Variants in GDA observed in about 807,000 individuals in gnomAD.
GDA encodes the protein guanine deaminase.
GDA carries 18 observed loss-of-function variants against 59.6 expected under a neutral mutation model. The observed-to-expected ratio is 0.30, with a 90% CI of 0.21 to 0.45. The LOEUF is 0.45. Among genes scored for constraint, GDA ranks in the 20% least tolerant of loss-of-function variants. The probability of loss-of-function intolerance (pLI) is 1.00; values close to 1 mark genes in which losing one functional copy is unlikely to be tolerated. For synonymous variants in GDA, 201 were observed against 201.1 expected (o/e 1.00, Z 0.00); for missense variants, 427 against 552.3 (o/e 0.77, Z 2.27).
chr9:72,226,824 C>CG (rs1837648240), intron 8 of GDA, among the ~76,000 whole-genome samples: 2 of 152,044 alleles, frequency 1.3e-5, no homozygotes, highest in Admixed American at 1.3e-4. Context: ...AATAATAATT[C>CG]TGTAGTCACT....
chr9:72,131,594 T>A (rs1203821800), intron 1 of GDA, among the ~76,000 whole-genome samples: 1 of 152,036 alleles, frequency 6.6e-6, no homozygotes, highest in East Asian at 1.9e-4. Flanking sequence ...CCTCTGAGCC[T>A]GCACAAATGG....
upstream of GDA, among the ~76,000 whole-genome samples, chr9:72,144,979 T>C (rs951166758): frequency 2.6e-5 from 4 of 151,556 alleles, no homozygotes; most frequent in African/African-American, 9.7e-5. Flanking sequence ...TTTAGCTACA[T>C]GAAAAGAATA....
chr9:72,123,404 T>C (rs1031790967), intron 1 of GDA, among the ~76,000 whole-genome samples: 1 of 151,782 alleles, frequency 6.6e-6, no homozygotes. Flanking sequence ...AGGAGGGTCT[T>C]GATCTCCTGA....
At chr9:72,192,106 C>T (rs1390950941) in intron 1 of GDA, among the ~76,000 whole-genome samples, 2 of 151,446 alleles carry the variant, frequency 1.3e-5, no homozygotes, top group Non-Finnish European at 2.9e-5. Context: ...CCTACCTCCT[C>T]TTTAGAAGCA....
In GDA at chr9:72,177,385, C is replaced by T. The variant is rs546029034; in HGVS notation, c.124-18115C>T. Among the ~76,000 whole-genome samples the T allele has an allele frequency of 4.3e-4, 66 of 152,006 alleles. 1 individual carries two copies. The East Asian group carries it at 0.012, about 28-fold the overall frequency. ...TGCTGGGATTACAGGCGTGAGCCAC[C>T]GTGCCTGGACAAAACATCTGTTTTT... On this transcript the variant is annotated intron_variant, in intron 1 of 13. Coordinates refer to ENST00000358399, the MANE Select transcript of GDA (RefSeq NM_004293.5).
chr9:72,235,654 A>G (rs1001631210), intron 10 of GDA, among the ~76,000 whole-genome samples: 1 of 151,476 alleles, frequency 6.6e-6, no homozygotes, highest in Non-Finnish European at 1.5e-5. Context: ...CCGAGATTGC[A>G]CCACTGCACT....
intron 1 of GDA, among the ~76,000 whole-genome samples, chr9:72,137,059 C>T (rs1826252332): frequency 6.6e-6 from 1 of 152,036 alleles, no homozygotes; most frequent in African/African-American, 2.4e-5. Flanking sequence ...ATGATCATCA[C>T]TCAAAGAACT....
intron 1 of GDA, among the ~76,000 whole-genome samples, chr9:72,186,526 A>G (rs1321688862): frequency 6.6e-6 from 1 of 151,998 alleles, no homozygotes; most frequent in African/African-American, 2.4e-5. Context: ...TTTCACCATA[A>G]CCCTCACTAT....
intron 1 of GDA, among the ~76,000 whole-genome samples, chr9:72,118,053 A>G (rs1228680192): frequency 6.6e-6 from 1 of 151,932 alleles, no homozygotes; most frequent in Non-Finnish European, 1.5e-5. Flanking sequence ...CGGGCGGATC[A>G]TGAGGTCAGG....
At chr9:72,214,052 G>A in intron 5 of GDA, 61 bp downstream of exon 5, 1 of 942,386 alleles carries the variant, frequency 1.1e-6, no homozygotes. Context: ...CACTGATGGA[G>A]TTAGAGATGG....
At chr9:72,119,475 G>T (rs924521328) in intron 1 of GDA, among the ~76,000 whole-genome samples, 3 of 152,130 alleles carry the variant, frequency 2.0e-5, no homozygotes, top group African/African-American at 7.2e-5. Flanking sequence ...CTTAAGCCTG[G>T]ATGACAGAGT....
chr9:72,214,167 C>T (rs1018819737), intron 5 of GDA, among the ~76,000 whole-genome samples, 176 bp downstream of exon 5: 1 of 152,210 alleles, frequency 6.6e-6, no homozygotes, highest in Non-Finnish European at 1.5e-5. Flanking sequence ...TGAATTTGAT[C>T]AAACACTCGA....
intron 1 of GDA, among the ~76,000 whole-genome samples, chr9:72,117,998 C>T (rs573774877): frequency 9.9e-5 from 15 of 152,090 alleles, no homozygotes; most frequent in South Asian, 6.2e-4. Flanking sequence ...TCAGGCCAGG[C>T]GCGGTGGCTC....
At chr9:72,245,101 G>A (rs1474451368) in intron 11 of GDA, 47 bp from the exon 12 acceptor site, 1 of 1,602,020 alleles carries the variant, frequency 6.2e-7, no homozygotes, top group Admixed American at 1.7e-5. Context: ...CATTAGTGTG[G>A]TCTGATGGCT....
At chr9:72,168,097 A>G (rs915509711) in intron 1 of GDA, among the ~76,000 whole-genome samples, 42 of 152,264 alleles carry the variant, frequency 2.8e-4, no homozygotes, top group Non-Finnish European at 5.7e-4. Flanking sequence ...GATTATTTCT[A>G]ATAAAAGGAA....
Position 72,249,359 on chromosome 9 carries a change from A to G in GDA, c.*1017A>G. 1 of 972,240 alleles carries G rather than the reference A, an allele frequency of 1.0e-6. No individual in the cohort carries two copies. Among genetic ancestry groups the G allele is most frequent in the Non-Finnish European group, 1.2e-6 (1 of 817,964 alleles). The allele number at this position is 972,240 out of a possible 1,614,324, so 60.2% of individuals were successfully genotyped here. The stretch of plus-strand genomic sequence containing the variant: ...TCAGATATCAGTCTGCTAGAACTTT[A>G]AAATGAAGGACAAATCCTGTTAAAG... On this transcript the variant is annotated 3_prime_UTR_variant, in exon 14 of 14. Coordinates refer to ENST00000358399, the MANE Select transcript of GDA (RefSeq NM_004293.5).
In GDA at chr9:72,247,441, GA is replaced by G; in HGVS notation, c.1294+9del. The G allele has an allele frequency of 7.1e-7, 1 of 1,409,480 alleles. No individual in the cohort carries two copies. The highest frequency in any genetic ancestry group is 2.3e-5 in the East Asian group (1 of 43,930). 87.3% of individuals were successfully genotyped at this position (1,409,480 alleles called of 1,614,324 possible). A position where few individuals can be genotyped will look rare whatever the true frequency, so the allele number is the denominator to read the frequency against. On this transcript the variant is annotated intron_variant, in intron 13 of 13. Coordinates refer to ENST00000358399, the MANE Select transcript of GDA (RefSeq NM_004293.5). ...AGAAGTTCCTCTATCTAGGTAGGTA[GA>G]TGCATGTCTCTATGCTAAATATTAA...
At chr9:72,245,006 G>A (rs1839995069) in intron 11 of GDA, 142 bp from the exon 12 acceptor site, 1 of 725,972 alleles carries the variant, frequency 1.4e-6, no homozygotes, top group African/African-American at 1.8e-5. Flanking sequence ...TAGAATGAGA[G>A]TGATTTTCTG....
intron 1 of GDA, among the ~76,000 whole-genome samples, chr9:72,169,844 T>C (rs78612917): frequency 1.4e-3 from 206 of 152,334 alleles, no homozygotes; most frequent in African/African-American, 4.8e-3. Flanking sequence ...GGTTTTGTAA[T>C]TAATGTGTCA....
Sources: allele counts gnomAD v4.1 joint callset (sites outside exome capture counted in the v4.1 genomes callset), GRCh38; gene constraint gnomAD v4.1.1; transcripts MANE v1.5; gene names NCBI Gene and HGNC (gene_info 2026-07-23, HGNC 2026-07-21).